SUGCT: variants seen among roughly 807,000 people sequenced by gnomAD.
SUGCT encodes succinyl-CoA:glutarate-CoA transferase.
SUGCT carries 41 observed loss-of-function variants against 55.0 expected under a neutral mutation model. That is an observed-to-expected ratio of 0.74 (90% CI 0.58 to 0.97). The LOEUF is 0.97. Among genes scored for constraint, SUGCT ranks in the 50% least tolerant of loss-of-function variants. SUGCT has a pLI of 0.00. For missense variants in SUGCT, 568 were observed against 547.8 expected, an observed-to-expected ratio of 1.04 and a Z score of -0.37; for synonymous variants, 187 against 200.4, an observed-to-expected ratio of 0.93 and a Z score of 0.56.
chr7:40,692,496 C>G (rs924199949), intron 12 of SUGCT, among the ~76,000 whole-genome samples: 16 of 152,070 alleles, frequency 1.1e-4, no homozygotes, highest in Non-Finnish European at 2.4e-4. Context: ...AGTGAAGATG[C>G]AAAGGGTCTC....
chr7:40,273,208 T>C (rs1483980538), intron 7 of SUGCT, among the ~76,000 whole-genome samples: 1 of 152,180 alleles, frequency 6.6e-6, no homozygotes, highest in East Asian at 1.9e-4. Flanking sequence ...GTCCTTGAAA[T>C]TGTATTGAAA....
At chr7:40,470,892 A>G (rs963829677) in intron 11 of SUGCT, among the ~76,000 whole-genome samples, 3 of 151,918 alleles carry the variant, frequency 2.0e-5, no homozygotes, top group Non-Finnish European at 2.9e-5. Flanking sequence ...TCTATTGTGA[A>G]TTGTTTTTCT....
In SUGCT at chr7:40,189,574, G is replaced by A. The variant is rs776824954; in HGVS notation, c.343G>A (p.Gly115Arg). 9 of 1,396,030 alleles carry A rather than the reference G, an allele frequency of 6.4e-6. No homozygotes were observed. The highest frequency in any genetic ancestry group is 8.6e-6 in the Non-Finnish European group (9 of 1,049,896). 86.5% of individuals were successfully genotyped at this position (1,396,030 alleles called of 1,614,324 possible). ...TGCTGTTAATATCAAGGATCCAAAAGGGGTGAAAATCATCAAAGAGGTACA... is the reference window on the plus strand; with the variant it reads ...TGCTGTTAATATCAAGGATCCAAAAAGGGTGAAAATCATCAAAGAGGTACA... The part of the protein sequence containing the change: ...SIAVNIKDPK[G>R]VKIIKELAAV... The change falls in exon 5 of 14, where the codon GGG (glycine) becomes AGG (arginine). Residue 115 changes from glycine (G) to arginine (R), a missense_variant. Coordinates refer to ENST00000335693, the MANE Select transcript of SUGCT (RefSeq NM_001193313.2).
At chr7:40,182,174 G>C in intron 3 of SUGCT, 146 bp downstream of exon 3, 1 of 601,496 alleles carries the variant, frequency 1.7e-6, no homozygotes, top group Non-Finnish European at 2.9e-6. Flanking sequence ...TCCATTTCTT[G>C]TTTTCCTGTG....
intron 12 of SUGCT, among the ~76,000 whole-genome samples, chr7:40,649,613 AGATT>A (rs1295008818): frequency 5.9e-5 from 9 of 152,184 alleles, no homozygotes; most frequent in East Asian, 1.9e-4. Flanking sequence ...TATTAAAGAT[AGATT>A]GATTGTTGGT....
At chr7:40,254,026 G>A (rs1790627707) in intron 7 of SUGCT, among the ~76,000 whole-genome samples, 1 of 152,206 alleles carries the variant, frequency 6.6e-6, no homozygotes, top group African/African-American at 2.4e-5. Context: ...ACGGATGTTT[G>A]TTATTGAAGC....
chr7:40,798,138 T>C (rs10272516), intron 13 of SUGCT, among the ~76,000 whole-genome samples: 60,653 of 151,688 alleles, frequency 0.4, 12,872 homozygotes, highest in Middle Eastern at 0.57. Flanking sequence ...TGCATATGTA[T>C]ATTTCCTAGC....
chr7:40,744,737 T>G (rs550076087), intron 12 of SUGCT, among the ~76,000 whole-genome samples: 2 of 152,316 alleles, frequency 1.3e-5, no homozygotes, highest in South Asian at 2.1e-4. Flanking sequence ...GCCTGACCCT[T>G]AAGGAGTTTT....
chr7:40,657,524 G>T (rs1401215513), intron 12 of SUGCT, among the ~76,000 whole-genome samples: 2 of 151,446 alleles, frequency 1.3e-5, no homozygotes, highest in African/African-American at 4.9e-5. Context: ...TTTTTGAGAC[G>T]GAGTCCTACT....
chr7:40,164,410 G>A (rs932784891), intron 1 of SUGCT, among the ~76,000 whole-genome samples: 1 of 152,184 alleles, frequency 6.6e-6, no homozygotes, highest in Non-Finnish European at 1.5e-5. Flanking sequence ...TTACAGGCAT[G>A]AGCCACTGCG....
At chr7:40,324,443 ATGGGGTTTC>A (rs1795923531) in intron 9 of SUGCT, among the ~76,000 whole-genome samples, 1 of 151,600 alleles carries the variant, frequency 6.6e-6, no homozygotes, top group Non-Finnish European at 1.5e-5. Context: ...TTTAATAGAG[ATGGGGTTTC>A]ACCATGTTTG....
intron 12 of SUGCT, among the ~76,000 whole-genome samples, chr7:40,640,880 C>T (rs373180689): frequency 6.6e-6 from 1 of 152,224 alleles, no homozygotes; most frequent in African/African-American, 2.4e-5. Context: ...GGTTGTGTTC[C>T]TGGTAAAGGG....
chr7:40,186,578 T>A (rs908265388), intron 3 of SUGCT, among the ~76,000 whole-genome samples: 2 of 152,140 alleles, frequency 1.3e-5, no homozygotes, highest in Admixed American at 6.6e-5. Context: ...TTTTCTGATT[T>A]ACTATTAGAT....
intron 11 of SUGCT, among the ~76,000 whole-genome samples, chr7:40,476,458 A>T (rs74357794): frequency 6.6e-6 from 1 of 152,154 alleles, no homozygotes; most frequent in Non-Finnish European, 1.5e-5. Context: ...TTCTTCACAA[A>T]TTGTTTTTGG....
the SUGCT span, among the ~76,000 whole-genome samples, chr7:41,036,200 A>G: frequency 1.3e-5 from 2 of 152,218 alleles, no homozygotes; most frequent in Non-Finnish European, 2.9e-5. Flanking sequence ...GAGCGAGTGC[A>G]TGGGCGAATG....
chr7:41,026,174 G>A, the SUGCT span, among the ~76,000 whole-genome samples: 1 of 152,178 alleles, frequency 6.6e-6, no homozygotes, highest in African/African-American at 2.4e-5. Context: ...AGGTCTTCCT[G>A]ACTAATAACC....
chr7:41,026,952 A>C, the SUGCT span, among the ~76,000 whole-genome samples: 1 of 152,152 alleles, frequency 6.6e-6, no homozygotes, highest in South Asian at 2.1e-4. Context: ...GAATTGCTTG[A>C]ACCTGGGTGG....
At chr7:40,751,428 A>C (rs1788006726) in intron 13 of SUGCT, among the ~76,000 whole-genome samples, 1 of 152,174 alleles carries the variant, frequency 6.6e-6, no homozygotes, top group African/African-American at 2.4e-5. Flanking sequence ...ATAGTGTCTT[A>C]AATTAGGGTC....
chr7:40,138,782 C>G (rs1787827260), intron 1 of SUGCT, among the ~76,000 whole-genome samples: 1 of 152,108 alleles, frequency 6.6e-6, no homozygotes, highest in African/African-American at 2.4e-5. Flanking sequence ...AAATTTTACT[C>G]ATGGCAGTAC....
Sources: gnomAD v4.1 joint callset for allele counts (sites outside exome capture counted in the v4.1 genomes callset) on GRCh38, gnomAD v4.1.1 for gene constraint, MANE v1.5 for transcripts, NCBI Gene and HGNC (gene_info 2026-07-23, HGNC 2026-07-21) for gene names.